CCDC171: variants seen among roughly 807,000 people sequenced by gnomAD.
The protein encoded by CCDC171 is coiled-coil domain containing 171.
In CCDC171, 177 loss-of-function variants were observed where a neutral mutation model predicts 168.2. The observed-to-expected ratio is 1.05, with a 90% CI of 0.93 to 1.19. The LOEUF (loss-of-function observed/expected upper bound fraction) is 1.19, where lower values mean the gene tolerates loss of function less well. Among genes scored for constraint, CCDC171 ranks in the 50% most tolerant of loss-of-function variants. CCDC171 has a pLI of 0.00. For synonymous variants in CCDC171, 687 were observed against 540.8 expected, an observed-to-expected ratio of 1.27 and a Z score of -3.75; for missense variants, 1,991 against 1,539.0, an observed-to-expected ratio of 1.29 and a Z score of -4.91.
chr9:15,944,704 A>C (rs576603917), intron 25 of CCDC171, among the ~76,000 whole-genome samples: 1 of 151,214 alleles, frequency 6.6e-6, no homozygotes, highest in Non-Finnish European at 1.5e-5. Context: ...CATTTCCTTT[A>C]TGTTATAATC....
intron 18 of CCDC171, among the ~76,000 whole-genome samples, chr9:15,767,899 A>T (rs541726061): frequency 1.9e-3 from 155 of 80,860 alleles, no homozygotes; most frequent in South Asian, 0.017. Context: ...CCATTAAAAA[A>T]ATTTTTTTAA....
chr9:15,741,580 G>T lies in CCDC171; in HGVS notation c.2050-2693G>T, dbSNP rs551670164. Among the ~76,000 whole-genome samples the T allele has an allele frequency of 1.8e-3, 280 of 152,172 alleles. 2 individuals carry two copies. The highest frequency in any genetic ancestry group is 6.8e-3 in the Middle Eastern group (2 of 294). The stretch of plus-strand genomic sequence containing the variant: ...CCTTTTGGCTATTGTGAATAATGTT[G>T]CTGTGAACAAGAAGCTATTGATTTT... On this transcript the variant is annotated intron_variant, in intron 16 of 25. Coordinates refer to ENST00000380701, the MANE Select transcript of CCDC171 (RefSeq NM_173550.4).
intron 21 of CCDC171, among the ~76,000 whole-genome samples, chr9:15,833,716 A>T (rs1043072510): frequency 6.6e-6 from 1 of 152,216 alleles, no homozygotes; most frequent in African/African-American, 2.4e-5. Flanking sequence ...TTGTCCTTGC[A>T]TTAGATAAAA....
At chr9:15,637,995 T>C (rs976983095) in intron 7 of CCDC171, among the ~76,000 whole-genome samples, 4 of 152,214 alleles carry the variant, frequency 2.6e-5, no homozygotes, top group African/African-American at 9.6e-5. Flanking sequence ...AGTAATGGGA[T>C]GGCTGGGTCA....
intron 25 of CCDC171, among the ~76,000 whole-genome samples, chr9:15,927,953 T>C (rs571067536): frequency 4.3e-4 from 65 of 151,742 alleles, no homozygotes; most frequent in Non-Finnish European, 8.4e-4. Flanking sequence ...TTTAGCCCTT[T>C]AAGAATATTT....
At chr9:15,623,475 G>GTACACACACACA (rs1554714958) in intron 7 of CCDC171, 62 bp downstream of exon 7, 2 of 293,710 alleles carry the variant, frequency 6.8e-6, no homozygotes, top group African/African-American at 4.8e-5. Flanking sequence ...GCGCGCGCGC[G>GTACACACACACA]CACACACACA....
At chr9:15,952,748 A>G (rs1318813224) in intron 25 of CCDC171, among the ~76,000 whole-genome samples, 1 of 152,136 alleles carries the variant, frequency 6.6e-6, no homozygotes, top group East Asian at 1.9e-4. Context: ...TAGGGAGTGC[A>G]TCGACTCTGT....
chr9:16,007,251 T>C (rs1212322176), intron 3 of CCDC171, among the ~76,000 whole-genome samples: 1 of 152,234 alleles, frequency 6.6e-6, no homozygotes, highest in African/African-American at 2.4e-5. Flanking sequence ...TGTCTGTTCA[T>C]ATCCTTTGCC....
chr9:15,594,193 T>A (rs111831484), intron 6 of CCDC171, 21 bp downstream of exon 6: 9 of 1,196,498 alleles, frequency 7.5e-6, no homozygotes, highest in Non-Finnish European at 8.4e-6. Flanking sequence ...AATAATCAGT[T>A]CCTTAAATAT....
At chr9:15,900,116 G>A (rs1056909394) in intron 24 of CCDC171, among the ~76,000 whole-genome samples, 1 of 152,138 alleles carries the variant, frequency 6.6e-6, no homozygotes, top group African/African-American at 2.4e-5. Flanking sequence ...TATAAAATTA[G>A]TCTTCTCCCC....
At chr9:15,856,212 A>T (rs2061343407) in intron 23 of CCDC171, among the ~76,000 whole-genome samples, 1 of 151,938 alleles carries the variant, frequency 6.6e-6, no homozygotes, top group Non-Finnish European at 1.5e-5. Context: ...TAGCCTCTTA[A>T]TGGATTTTTC....
the CCDC171 span, among the ~76,000 whole-genome samples, chr9:16,097,596 C>A: frequency 5.1e-4 from 77 of 152,300 alleles, no homozygotes; most frequent in African/African-American, 1.9e-3. Context: ...AATGAGCAAG[C>A]ATACTATCTC....
chr9:15,805,519 G>A (rs981601880), intron 21 of CCDC171, among the ~76,000 whole-genome samples: 6 of 152,124 alleles, frequency 3.9e-5, no homozygotes, highest in Non-Finnish European at 7.4e-5. Flanking sequence ...TCATTCAGGA[G>A]CAGGTTGTTC....
intron 3 of CCDC171, among the ~76,000 whole-genome samples, chr9:15,573,518 G>A (rs2040400975): frequency 6.6e-6 from 1 of 152,094 alleles, no homozygotes; most frequent in Admixed American, 6.5e-5. Context: ...CTCACCTCAG[G>A]TGATCTGCCC....
the CCDC171 span, among the ~76,000 whole-genome samples, chr9:16,087,379 G>T: frequency 5.4e-3 from 823 of 152,130 alleles, 8 homozygotes; most frequent in African/African-American, 0.019. Flanking sequence ...CTCTTTGTAG[G>T]TCTCTAAGAA....
intron 1 of CCDC171, among the ~76,000 whole-genome samples, chr9:15,556,645 T>C (rs1399435379): frequency 6.6e-6 from 1 of 152,132 alleles, no homozygotes; most frequent in Non-Finnish European, 1.5e-5. Context: ...TATTAGCCCT[T>C]TGTCAGATGG....
intron 24 of CCDC171, among the ~76,000 whole-genome samples, chr9:15,913,839 T>G (rs1255059986): frequency 6.6e-6 from 1 of 152,216 alleles, no homozygotes; most frequent in Non-Finnish European, 1.5e-5. Flanking sequence ...TGCTTGTTCT[T>G]TTTGTTGATT....
intron 7 of CCDC171, among the ~76,000 whole-genome samples, chr9:15,646,699 A>C (rs1277531436): frequency 6.6e-6 from 1 of 152,236 alleles, no homozygotes; most frequent in Non-Finnish European, 1.5e-5. Flanking sequence ...AAGAAGAGCT[A>C]ACTATCCTAA....
At chr9:15,629,973 A>C (rs919114359) in intron 7 of CCDC171, among the ~76,000 whole-genome samples, 20 of 152,224 alleles carry the variant, frequency 1.3e-4, no homozygotes, top group African/African-American at 4.1e-4. Flanking sequence ...AGAAAAGCAA[A>C]TGCTGAGAGA....
Sources: gnomAD v4.1 joint callset for allele counts (sites outside exome capture counted in the v4.1 genomes callset) on GRCh38, gnomAD v4.1.1 for gene constraint, MANE v1.5 for transcripts, NCBI Gene and HGNC (gene_info 2026-07-23, HGNC 2026-07-21) for gene names.